SOX13: variants seen among roughly 807,000 people sequenced by gnomAD.
SOX13 encodes transcription factor SOX-13.
A neutral mutation model predicts 71.8 loss-of-function variants in SOX13; 28 were observed. That is an observed-to-expected ratio of 0.39 (90% CI 0.29 to 0.53). SOX13 has a LOEUF of 0.53. Ranked by LOEUF, SOX13 falls within the 20% of genes least tolerant of loss-of-function variation. The probability of loss-of-function intolerance (pLI) is 0.70; values close to 1 mark genes in which losing one functional copy is unlikely to be tolerated. For missense variants in SOX13, 627 were observed against 810.3 expected (o/e 0.77, Z 2.75); for synonymous variants, 309 against 317.8 (o/e 0.97, Z 0.29).
At chr1:204,113,220 A>G (rs766647720) in intron 2 of SOX13, 86 bp downstream of exon 2, 15 of 1,089,212 alleles carry the variant, frequency 1.4e-5, no homozygotes, top group Non-Finnish European at 1.8e-5. Flanking sequence ...ACTCCCCTAG[A>G]TGGCAGCAGA....
At chr1:204,075,744 C>G (rs567411851) in intron 1 of SOX13, among the ~76,000 whole-genome samples, 1 of 152,148 alleles carries the variant, frequency 6.6e-6, no homozygotes, top group Non-Finnish European at 1.5e-5. Flanking sequence ...GCCTCAGTTT[C>G]CTCAGCCATA....
chr1:204,097,834 A>G (rs1252940958), intron 1 of SOX13, among the ~76,000 whole-genome samples: 1 of 152,102 alleles, frequency 6.6e-6, no homozygotes, highest in Non-Finnish European at 1.5e-5. Flanking sequence ...GAAATGGGTG[A>G]TTTTTAAAAT....
chr1:204,108,442 C>T (rs1656513659), intron 1 of SOX13, among the ~76,000 whole-genome samples: 1 of 152,224 alleles, frequency 6.6e-6, no homozygotes, highest in Non-Finnish European at 1.5e-5. Flanking sequence ...CCTCTGCCTC[C>T]ACCATCAGCT....
chr1:204,117,055 G>A (rs1656709231), intron 5 of SOX13, 67 bp from the exon 6 acceptor site: 2 of 1,515,000 alleles, frequency 1.3e-6, no homozygotes, highest in Non-Finnish European at 1.8e-6. Context: ...GTGTGGTTAG[G>A]GCTGGGCAGA....
chr1:204,073,118 C>T lies in SOX13; in HGVS notation c.-595C>T, dbSNP rs1042636523. 6.7e-6 allele frequency: 1 copy of T among 149,816 alleles called. No individual in the cohort carries two copies. Among genetic ancestry groups the T allele is most frequent in the Admixed American group, 6.6e-5 (1 of 15,092 alleles). 9.3% of individuals were successfully genotyped at this position (149,816 alleles called of 1,614,324 possible). ...CTCTTTCTCCTCTAGGCTGTCCAGT[C>T]GCCTCGCAGCAGCGAGCCGCGAGCG... On this transcript the variant is annotated 5_prime_UTR_variant, in exon 1 of 14. Coordinates refer to ENST00000367204, the MANE Select transcript of SOX13 (RefSeq NM_005686.3). This position sits in a 1 kb window ranked among gnomAD's most constrained non-coding sequence, Gnocchi z 6.8.
chr1:204,117,602 A>T lies in SOX13; in HGVS notation c.670A>T (p.Met224Leu). 4 of 1,610,786 alleles carry T rather than the reference A, an allele frequency of 2.5e-6. No homozygotes were observed. The highest frequency in any genetic ancestry group is 3.4e-6 in the Non-Finnish European group (4 of 1,178,114). ...LLQQQIQQVN[M>L]PYVMIPAFPP... ...GTTTCTTTGCCTTCAGCAGGTTAACATGCCTTATGTCATGATCCCAGCCTT... is the reference window on the plus strand; with the variant it reads ...GTTTCTTTGCCTTCAGCAGGTTAACTTGCCTTATGTCATGATCCCAGCCTT... The change falls in exon 7 of 14, where the codon ATG becomes TTG. Residue 224 changes from methionine to leucine, a missense_variant. Physicochemically the swap from Met to Leu is conservative, Grantham distance 15. Coordinates refer to ENST00000367204, the MANE Select transcript of SOX13 (RefSeq NM_005686.3).
At position 204,116,559 on chromosome 1, in the gene SOX13, C is replaced by A; in HGVS notation, c.471C>A (p.His157Gln). The A allele has an allele frequency of 6.2e-7, 1 of 1,614,028 alleles. No homozygotes were observed. Among genetic ancestry groups the A allele is most frequent in the Non-Finnish European group, 8.5e-7 (1 of 1,179,898 alleles). The change falls in exon 5 of 14, where the codon CAC becomes CAA. Residue 157 changes from histidine to glutamine, a missense_variant. His to Gln is a conservative substitution (Grantham distance 24, BLOSUM62 0). Coordinates refer to ENST00000367204, the MANE Select transcript of SOX13 (RefSeq NM_005686.3). ...EKELQLLVMI[H>Q]QLSTLRDQLL... The stretch of plus-strand genomic sequence containing the variant: ...AGCTCCAGCTTCTGGTCATGATTCA[C>A]CAGCTGTCCACCCTGCGGGACCAGC...
rs1456707025 is a variant in SOX13 at position 204,114,306 on chromosome 1, C to G, written c.220-15C>G. 2.6e-6 allele frequency: 4 copies of G among 1,538,498 alleles called. No individual in the cohort carries two copies. The highest frequency in any genetic ancestry group is 3.6e-6 in the Non-Finnish European group (4 of 1,123,404). On this transcript the variant is annotated splice_polypyrimidine_tract_variant and intron_variant, in intron 2 of 13. Transcript: ENST00000367204. Reference sequence around the variant, plus strand: ...TCTCTTGGGGGTTATGGTGACAATTCAGTATGTCTTGCAGGACTGTAGCTC... The same window carrying G: ...TCTCTTGGGGGTTATGGTGACAATTGAGTATGTCTTGCAGGACTGTAGCTC...
intron 1 of SOX13, among the ~76,000 whole-genome samples, chr1:204,089,313 G>A (rs1349062050): frequency 2.0e-5 from 3 of 152,156 alleles, no homozygotes; most frequent in Non-Finnish European, 2.9e-5. Flanking sequence ...CCCGTGTGGG[G>A]AGGCACTCCT....
intron 1 of SOX13, among the ~76,000 whole-genome samples, chr1:204,111,732 TG>T (rs1257356375): frequency 7.7e-6 from 1 of 129,562 alleles, no homozygotes; most frequent in Non-Finnish European, 1.5e-5. Flanking sequence ...TTTAAAGAGA[TG>T]GGAGTCTCAT....
At chr1:204,101,833 A>G (rs913676376) in intron 1 of SOX13, among the ~76,000 whole-genome samples, 2 of 152,056 alleles carry the variant, frequency 1.3e-5, no homozygotes, top group East Asian at 1.9e-4. Flanking sequence ...CTAGATGACA[A>G]TGGTAAAATG....
chr1:204,123,548 G>A lies in SOX13; in HGVS notation c.1232-113G>A. 8.5e-7 allele frequency: 1 copy of A among 1,181,740 alleles called. No individual in the cohort carries two copies. Among genetic ancestry groups the A allele is most frequent in the Non-Finnish European group, 1.2e-6 (1 of 851,888 alleles). The allele number at this position is 1,181,740 out of a possible 1,614,324, so 73.2% of individuals were successfully genotyped here. On this transcript the variant is annotated intron_variant, in intron 11 of 13. Coordinates refer to ENST00000367204, the MANE Select transcript of SOX13 (RefSeq NM_005686.3). This position sits in a 1 kb window ranked among gnomAD's most constrained non-coding sequence, Gnocchi z 5.0. Reference sequence around the variant, plus strand: ...TGCTCCTCCTCGGCTGGCTGCTGTGGGAGCCTCCTCAGTGCCTCCTGCTGG... The same window carrying A: ...TGCTCCTCCTCGGCTGGCTGCTGTGAGAGCCTCCTCAGTGCCTCCTGCTGG...
chr1:204,122,448 G>T, intron 9 of SOX13, 49 bp downstream of exon 9: 3 of 1,494,552 alleles, frequency 2.0e-6, no homozygotes, highest in South Asian at 1.2e-5. Flanking sequence ...TTAGGGGAGA[G>T]CCGGCGGCAT....
chr1:204,088,178 C>T (rs1260497447), intron 1 of SOX13, among the ~76,000 whole-genome samples: 2 of 152,160 alleles, frequency 1.3e-5, no homozygotes, highest in Non-Finnish European at 2.9e-5. Context: ...CCTTCTCCTC[C>T]CTCACTTCCC....
chr1:204,122,030 T>G (rs759410614), intron 8 of SOX13, 45 bp downstream of exon 8: 4 of 1,401,684 alleles, frequency 2.9e-6, no homozygotes, highest in Admixed American at 3.6e-5. Context: ...CTCGAGCTTA[T>G]GACGGCCGGC....
At chr1:204,103,188 G>A (rs954261156) in intron 1 of SOX13, among the ~76,000 whole-genome samples, 2 of 152,258 alleles carry the variant, frequency 1.3e-5, no homozygotes, top group Non-Finnish European at 2.9e-5. Context: ...GGGGTTTTGA[G>A]AGGTGAAGTC....
At chr1:204,116,439 G>C in intron 4 of SOX13, 68 bp from the exon 5 acceptor site, 1 of 1,612,956 alleles carries the variant, frequency 6.2e-7, no homozygotes, top group South Asian at 1.1e-5. Flanking sequence ...TGGATGGGTG[G>C]ATAGATGGAT....
chr1:204,116,714 A>G (rs1392830584), intron 5 of SOX13, 35 bp downstream of exon 5: 2 of 1,608,360 alleles, frequency 1.2e-6, no homozygotes, highest in East Asian at 2.2e-5. Context: ...CTTTCTTTCC[A>G]GGAAAAGGAG....
At chr1:204,078,661 G>A (rs1655832183) in intron 1 of SOX13, among the ~76,000 whole-genome samples, 1 of 152,144 alleles carries the variant, frequency 6.6e-6, no homozygotes, top group East Asian at 1.9e-4. Context: ...ACCAGATGGG[G>A]AACTAGACCC....
Sources: allele counts gnomAD v4.1 joint callset (sites outside exome capture counted in the v4.1 genomes callset), GRCh38; gene constraint gnomAD v4.1.1; non-coding constraint Gnocchi (gnomAD v3.1); transcripts MANE v1.5; gene names NCBI Gene and HGNC (gene_info 2026-07-23, HGNC 2026-07-21).